FRMD5: variants seen among roughly 807,000 people sequenced by gnomAD.
FRMD5 encodes the protein FERM domain-containing protein 5.
Under a neutral mutation model 69.0 loss-of-function variants are expected in FRMD5, and 20 were observed. The ratio of observed to expected loss-of-function variants is 0.29; its 90% CI spans 0.20 to 0.42. The LOEUF is 0.42. FRMD5 is among the 10% of genes least tolerant of loss of function. FRMD5 has a pLI of 1.00. For synonymous variants in FRMD5, 271 were observed against 260.1 expected (o/e 1.04, Z -0.40); for missense variants, 595 against 708.6 (o/e 0.84, Z 1.82).
chr15:44,049,617 A>G (rs1273598769), intron 1 of FRMD5, among the ~76,000 whole-genome samples: 1 of 152,254 alleles, frequency 6.6e-6, no homozygotes, highest in East Asian at 1.9e-4. Flanking sequence ...GTTTCATACA[A>G]CATTGTTAGA....
At chr15:44,107,834 T>A (rs2076741298) in intron 1 of FRMD5, among the ~76,000 whole-genome samples, 2 of 152,226 alleles carry the variant, frequency 1.3e-5, no homozygotes, top group Non-Finnish European at 2.9e-5. Flanking sequence ...ACAGATGATT[T>A]AAATTACTTC....
intron 1 of FRMD5, among the ~76,000 whole-genome samples, chr15:43,940,344 C>T (rs1053588746): frequency 1.3e-5 from 2 of 152,240 alleles, no homozygotes; most frequent in African/African-American, 4.8e-5. Flanking sequence ...CCATTCTTCC[C>T]GCCCAGGGAG....
chr15:43,982,259 T>C (rs2090559979), intron 1 of FRMD5, among the ~76,000 whole-genome samples: 1 of 152,312 alleles, frequency 6.6e-6, no homozygotes, highest in African/African-American at 2.4e-5. Context: ...GTTGAACTCA[T>C]GGGGTTCTGG....
intron 4 of FRMD5, among the ~76,000 whole-genome samples, chr15:43,915,916 G>C (rs1006282420): frequency 6.6e-6 from 1 of 152,208 alleles, no homozygotes; most frequent in African/African-American, 2.4e-5. Flanking sequence ...CGGATGTTGA[G>C]TGAGGCTGGG....
chr15:44,122,097 G>A (rs1442840956), intron 1 of FRMD5, among the ~76,000 whole-genome samples: 1 of 150,870 alleles, frequency 6.6e-6, no homozygotes, highest in African/African-American at 2.4e-5. Context: ...GTAAGTAGAA[G>A]CTTTGGTAAA....
intron 1 of FRMD5, among the ~76,000 whole-genome samples, chr15:44,013,555 A>G (rs886861037): frequency 3.3e-5 from 5 of 152,232 alleles, no homozygotes; most frequent in South Asian, 2.1e-4. Context: ...GTCAACGAAT[A>G]AAGTGTAGGC....
intron 1 of FRMD5, among the ~76,000 whole-genome samples, chr15:44,055,069 CA>C (rs1024472194): frequency 0.029 from 1,604 of 56,246 alleles, 28 homozygotes; most frequent in African/African-American, 0.081. Context: ...GACTCTGTCT[CA>C]AAAAAAAAAA....
chr15:44,092,496 G>T (rs1170957639), intron 1 of FRMD5, among the ~76,000 whole-genome samples: 1 of 152,142 alleles, frequency 6.6e-6, no homozygotes, highest in Non-Finnish European at 1.5e-5. Context: ...CACAGTTGTT[G>T]TTGTCATTTT....
chr15:44,143,391 T>A (rs1413219983), intron 1 of FRMD5, among the ~76,000 whole-genome samples: 1 of 151,998 alleles, frequency 6.6e-6, no homozygotes, highest in Non-Finnish European at 1.5e-5. Context: ...AACTTTTCAC[T>A]TGGGGACTAA....
intron 1 of FRMD5, among the ~76,000 whole-genome samples, chr15:44,176,556 T>C (rs1014736271): frequency 2.0e-5 from 3 of 152,118 alleles, no homozygotes; most frequent in Non-Finnish European, 4.4e-5. Context: ...TTAAAATCTT[T>C]TGTGCTTCAA....
chr15:44,115,596 CTT>C (rs1280174280), intron 1 of FRMD5, among the ~76,000 whole-genome samples: 2 of 152,078 alleles, frequency 1.3e-5, no homozygotes, highest in Non-Finnish European at 2.9e-5. Flanking sequence ...AGATGATAGA[CTT>C]TATGCACATA....
chr15:43,892,170 T>G, intron 7 of FRMD5, 101 bp from the exon 8 acceptor site: 1 of 997,456 alleles, frequency 1.0e-6, no homozygotes, highest in Non-Finnish European at 1.6e-6. Flanking sequence ...TACTTGGCAG[T>G]AGGTCACAGA....
chr15:44,163,031 A>G (rs2077648472), intron 1 of FRMD5, among the ~76,000 whole-genome samples: 1 of 151,936 alleles, frequency 6.6e-6, no homozygotes, highest in South Asian at 2.1e-4. Flanking sequence ...AAAAATTAGC[A>G]GGCGTGGTGG....
chr15:43,924,116 A>G, intron 2 of FRMD5, 89 bp downstream of exon 2: 5 of 1,036,114 alleles, frequency 4.8e-6, no homozygotes, highest in African/African-American at 1.6e-5. Flanking sequence ...CTGATTCCTG[A>G]AGCTTGACTT....
chr15:44,063,004 T>C (rs1317696771), intron 1 of FRMD5, among the ~76,000 whole-genome samples: 2 of 152,234 alleles, frequency 1.3e-5, no homozygotes, highest in African/African-American at 4.8e-5. Context: ...CATACAATTT[T>C]GATTACTGGT....
intron 1 of FRMD5, among the ~76,000 whole-genome samples, chr15:43,994,712 G>A (rs1370710581): frequency 2.0e-5 from 3 of 152,226 alleles, no homozygotes; most frequent in Non-Finnish European, 4.4e-5. Flanking sequence ...GATTAAAGGC[G>A]TGAGCCACTG....
chr15:44,153,923 GC>G (rs772582631), intron 1 of FRMD5, among the ~76,000 whole-genome samples: 1 of 152,008 alleles, frequency 6.6e-6, no homozygotes, highest in Non-Finnish European at 1.5e-5. Context: ...AGCCAAGATG[GC>G]GCCACTGCAC....
intron 1 of FRMD5, among the ~76,000 whole-genome samples, chr15:43,992,428 G>C (rs1384823406): frequency 6.6e-6 from 1 of 151,664 alleles, no homozygotes; most frequent in Non-Finnish European, 1.5e-5. Flanking sequence ...GCCCAGGCTG[G>C]AGAGCCGTGG....
intron 5 of FRMD5, among the ~76,000 whole-genome samples, chr15:43,908,805 T>A (rs1260740506): frequency 6.6e-6 from 1 of 152,218 alleles, no homozygotes. Flanking sequence ...ATTAGCCTGT[T>A]AGGAAATGTG....
Sources: gnomAD v4.1 joint callset for allele counts (sites outside exome capture counted in the v4.1 genomes callset) on GRCh38, gnomAD v4.1.1 for gene constraint, MANE v1.5 for transcripts, NCBI Gene and HGNC (gene_info 2026-07-23, HGNC 2026-07-21) for gene names.